Variants in PDZD2 observed in about 807,000 individuals in gnomAD.
The protein encoded by PDZD2 is PDZ domain containing 2.
In PDZD2, 90 loss-of-function variants were observed where a neutral mutation model predicts 220.7. The observed-to-expected ratio is 0.41, with a 90% CI of 0.34 to 0.49. PDZD2 has a LOEUF of 0.49. Among genes scored for constraint, PDZD2 ranks in the 20% least tolerant of loss-of-function variants. PDZD2 has a pLI of 0.28. For missense variants in PDZD2, 3,174 were observed against 3,608.5 expected (o/e 0.88, Z 3.08); for synonymous variants, 1,375 against 1,450.5 (o/e 0.95, Z 1.18).
chr5:31,748,061 T>C (rs978088746), intron 1 of PDZD2: 21 of 152,214 alleles, frequency 1.4e-4, no homozygotes, highest in Admixed American at 1.4e-3. Flanking sequence ...AATGATACCA[T>C]GGGTGGCTGG....
At chr5:31,859,518 A>G (rs1296465440) in intron 2 of PDZD2, among the ~76,000 whole-genome samples, 1 of 152,168 alleles carries the variant, frequency 6.6e-6, no homozygotes, top group Non-Finnish European at 1.5e-5. Context: ...TTTTCTTTTT[A>G]TAACCTCCTG....
At chr5:31,838,394 G>C (rs557953987) in intron 2 of PDZD2, among the ~76,000 whole-genome samples, 9 of 152,314 alleles carry the variant, frequency 5.9e-5, no homozygotes, top group African/African-American at 2.2e-4. Flanking sequence ...CATGGAGCTA[G>C]AAATGCTCCT....
intron 14 of PDZD2, among the ~76,000 whole-genome samples, chr5:32,063,155 C>A (rs1739852322): frequency 6.6e-6 from 1 of 151,796 alleles, no homozygotes; most frequent in African/African-American, 2.4e-5. Flanking sequence ...AGTGATTCTC[C>A]CGCCTCAGCC....
intron 3 of PDZD2, among the ~76,000 whole-genome samples, chr5:31,991,449 C>T (rs1258393023): frequency 2.6e-5 from 4 of 152,114 alleles, no homozygotes; most frequent in South Asian, 2.1e-4. Flanking sequence ...AGATACTTCA[C>T]GGACTTTTGG....
In PDZD2 at chr5:32,089,591, C is replaced by T; in HGVS notation, c.6143C>T (p.Ala2048Val). 1 of 1,612,650 alleles carries T rather than the reference C, an allele frequency of 6.2e-7. No homozygotes were observed. The highest frequency in any genetic ancestry group is 1.3e-5 in the African/African-American group (1 of 75,074). The change falls in exon 20 of 25, where the codon GCA (alanine) becomes GTA (valine). Residue 2048 changes from alanine to valine, a missense_variant. By Grantham distance (64) the Ala-to-Val change is moderately conservative. Coordinates refer to ENST00000438447, the MANE Select transcript of PDZD2 (RefSeq NM_178140.4). ...GCGTCTAGGAACGGCATGTCCGTGGCAGGGAACAGACAGAGTGAGCCGCGC... is the reference window on the plus strand; with the variant it reads ...GCGTCTAGGAACGGCATGTCCGTGGTAGGGAACAGACAGAGTGAGCCGCGC... ...PAASRNGMSV[A>V]GNRQSEPRLA...
chr5:31,764,223 G>C (rs568422791), intron 1 of PDZD2, among the ~76,000 whole-genome samples: 4 of 152,326 alleles, frequency 2.6e-5, no homozygotes, highest in African/African-American at 9.6e-5. Context: ...AAGTAAAAGA[G>C]ATGGAATTTT....
At chr5:31,759,198 G>C (rs1296956622) in intron 1 of PDZD2, among the ~76,000 whole-genome samples, 1 of 150,342 alleles carries the variant, frequency 6.7e-6, no homozygotes, top group South Asian at 2.2e-4. Flanking sequence ...GAGGAACAGC[G>C]TGAACTAGCT....
intron 2 of PDZD2, among the ~76,000 whole-genome samples, chr5:31,854,515 G>A (rs1244884811): frequency 6.6e-6 from 1 of 152,180 alleles, no homozygotes; most frequent in African/African-American, 2.4e-5. Flanking sequence ...TTTTAGCTGG[G>A]GGCTCCACCC....
intron 2 of PDZD2, among the ~76,000 whole-genome samples, chr5:31,914,028 T>C (rs955531775): frequency 2.0e-5 from 3 of 152,152 alleles, no homozygotes; most frequent in Non-Finnish European, 4.4e-5. Flanking sequence ...TCAGTGTCTG[T>C]AACTCTTCAG....
At position 31,694,048 on chromosome 5, in the gene PDZD2, C is replaced by T. The variant is rs143568904; in HGVS notation, c.-361+54611C>T. On this transcript the variant is annotated intron_variant, in intron 1 of 24. Coordinates refer to ENST00000438447, the MANE Select transcript of PDZD2 (RefSeq NM_178140.4). ...TTTTTAAAGACAATGGTAGAATGTACGCCACTCCTAAATAAAATGCTTCGT... is the reference window on the plus strand; with the variant it reads ...TTTTTAAAGACAATGGTAGAATGTATGCCACTCCTAAATAAAATGCTTCGT... 7.2e-3 allele frequency among the ~76,000 whole-genome samples: 1,089 copies of T among 152,224 alleles called. 12 individuals carry two copies. The highest frequency in any genetic ancestry group is 0.011 in the Non-Finnish European group (772 of 68,022).
chr5:31,922,102 GA>G (rs5867116), intron 2 of PDZD2, among the ~76,000 whole-genome samples: 134,256 of 152,054 alleles, frequency 0.88, 59,459 homozygotes, highest in East Asian at 0.98. Flanking sequence ...CTTCTTGTGG[GA>G]AAAAAAAGGG....
At chr5:31,702,248 T>C (rs757267719) in intron 1 of PDZD2, among the ~76,000 whole-genome samples, 3 of 152,246 alleles carry the variant, frequency 2.0e-5, no homozygotes, top group Non-Finnish European at 4.4e-5. Flanking sequence ...ATATAATCTT[T>C]AAGCCATCCC....
intron 2 of PDZD2, among the ~76,000 whole-genome samples, chr5:31,954,860 C>T (rs1450016755): frequency 2.6e-5 from 4 of 152,102 alleles, no homozygotes; most frequent in African/African-American, 9.7e-5. Context: ...CGCTTGAAAC[C>T]CGGGAGGCGA....
chr5:31,973,343 T>C (rs1749474219), intron 2 of PDZD2, among the ~76,000 whole-genome samples: 1 of 152,218 alleles, frequency 6.6e-6, no homozygotes, highest in Non-Finnish European at 1.5e-5. Context: ...AAGATCAATA[T>C]GAAAGTGAAA....
intron 19 of PDZD2, among the ~76,000 whole-genome samples, chr5:32,079,813 G>GA (rs1310468463): frequency 6.7e-6 from 1 of 149,300 alleles, no homozygotes; most frequent in Non-Finnish European, 1.5e-5. Flanking sequence ...CTCCGTCTCA[G>GA]AAAAAAAAAG....
chr5:31,787,207 T>C (rs1417584522), intron 1 of PDZD2, among the ~76,000 whole-genome samples: 1 of 152,216 alleles, frequency 6.6e-6, no homozygotes, highest in Non-Finnish European at 1.5e-5. Flanking sequence ...ATTCAGTAGA[T>C]AGCAACTGTT....
chr5:31,770,052 G>C (rs1277211282), intron 1 of PDZD2, among the ~76,000 whole-genome samples: 1 of 152,200 alleles, frequency 6.6e-6, no homozygotes, highest in Non-Finnish European at 1.5e-5. Flanking sequence ...TGAAAAGCAT[G>C]TCACTGGAAA....
intron 2 of PDZD2, among the ~76,000 whole-genome samples, chr5:31,954,829 G>A (rs912467701): frequency 4.7e-4 from 72 of 152,184 alleles, no homozygotes; most frequent in African/African-American, 1.5e-3. Flanking sequence ...CTAGCTGCTC[G>A]GGAAGCTGGG....
At chr5:31,835,687 C>T (rs900906520) in intron 2 of PDZD2, among the ~76,000 whole-genome samples, 4 of 151,958 alleles carry the variant, frequency 2.6e-5, no homozygotes, top group African/African-American at 9.7e-5. Context: ...AAGAATTCAT[C>T]TAGGGACAGT....
Sources: gnomAD v4.1 joint callset for allele counts (sites outside exome capture counted in the v4.1 genomes callset) on GRCh38, gnomAD v4.1.1 for gene constraint, MANE v1.5 for transcripts, NCBI Gene and HGNC (gene_info 2026-07-23, HGNC 2026-07-21) for gene names.